The following SNX10 variants were observed in gnomAD, a reference collection of about 807,000 sequenced individuals.
SNX10 encodes the protein sorting nexin 10, also known as sorting nexin-10.
Under a neutral mutation model 28.5 loss-of-function variants are expected in SNX10, and 25 were observed. That is an observed-to-expected ratio of 0.88 (90% CI 0.64 to 1.22). The LOEUF (loss-of-function observed/expected upper bound fraction) is 1.22, where lower values mean the gene tolerates loss of function less well. Among genes scored for constraint, SNX10 ranks in the 50% most tolerant of loss-of-function variants. The pLI is 0.00. For synonymous variants in SNX10, 62 were observed against 81.4 expected (o/e 0.76, Z 1.28); for missense variants, 223 against 242.6 (o/e 0.92, Z 0.54).
At chr7:26,338,038 T>G (rs1788003016) in intron 1 of SNX10, among the ~76,000 whole-genome samples, 1 of 152,170 alleles carries the variant, frequency 6.6e-6, no homozygotes, top group African/African-American at 2.4e-5. Context: ...TTAGTGATGT[T>G]GAGCATGTTT....
intron 1 of SNX10, chr7:26,293,068 T>A (rs1488415085): frequency 1.3e-5 from 2 of 152,254 alleles, no homozygotes; most frequent in African/African-American, 4.8e-5. Context: ...TTGACCAGCT[T>A]CTGCAGGGGC....
intron 1 of SNX10, among the ~76,000 whole-genome samples, chr7:26,336,372 T>TA (rs35209815): frequency 0.034 from 4,771 of 140,478 alleles, 91 homozygotes; most frequent in Middle Eastern, 0.052. Context: ...AGTAAATATG[T>TA]AAAAAAAAAA....
At chr7:26,359,838 A>G (rs570106808) in intron 2 of SNX10, among the ~76,000 whole-genome samples, 4 of 151,958 alleles carry the variant, frequency 2.6e-5, no homozygotes, top group Admixed American at 6.6e-5. Flanking sequence ...TTGTAGTTTT[A>G]GTAGAGACAG....
intron 1 of SNX10, among the ~76,000 whole-genome samples, chr7:26,326,995 G>A (rs982218822): frequency 6.7e-6 from 1 of 149,400 alleles, no homozygotes; most frequent in South Asian, 2.1e-4. Context: ...CTGTCACCCA[G>A]GCTGGAGTGC....
chr7:26,344,748 A>T (rs151276630), intron 1 of SNX10, among the ~76,000 whole-genome samples: 9 of 152,286 alleles, frequency 5.9e-5, no homozygotes, highest in Admixed American at 2.6e-4. Flanking sequence ...GACTGAACGG[A>T]ATCTCCAGTT....
rs1486985518 is a variant in SNX10 at position 26,346,414 on chromosome 7, T to A, written c.-23-6T>A. The A allele has an allele frequency of 1.3e-6, 2 of 1,596,424 alleles. No homozygotes were observed. The highest frequency in any genetic ancestry group is 1.7e-6 in the Non-Finnish European group (2 of 1,163,992). On this transcript the variant is annotated splice_polypyrimidine_tract_variant and splice_region_variant and intron_variant, in intron 1 of 6. Transcript: ENST00000338523. ...AATGACCCAGTGTGGATATCTTATT[T>A]TTCAGATTGATCGTGTCCTGTGCTG...
chr7:26,335,016 C>T (rs748844345), intron 1 of SNX10, among the ~76,000 whole-genome samples: 2 of 152,096 alleles, frequency 1.3e-5, no homozygotes, highest in Non-Finnish European at 2.9e-5. Flanking sequence ...TGTTTGAGTT[C>T]CTTTGATTGC....
At chr7:26,358,033 G>T (rs952956346) in intron 2 of SNX10, among the ~76,000 whole-genome samples, 2 of 152,156 alleles carry the variant, frequency 1.3e-5, no homozygotes, top group Admixed American at 6.5e-5. Flanking sequence ...AGCCTGGGTT[G>T]GCTCTCAGGC....
intron 1 of SNX10, among the ~76,000 whole-genome samples, chr7:26,320,212 C>G (rs1392730033): frequency 1.3e-5 from 2 of 151,884 alleles, no homozygotes; most frequent in Non-Finnish European, 2.9e-5. Context: ...CAACTCTTGA[C>G]CTCAAGTGAT....
intron 1 of SNX10, among the ~76,000 whole-genome samples, chr7:26,339,709 G>C (rs1788106160): frequency 6.6e-6 from 1 of 151,680 alleles, no homozygotes; most frequent in African/African-American, 2.4e-5. Context: ...ACCATGCCTG[G>C]CTAATTTTTC....
At chr7:26,324,257 AAATG>A (rs777327244) in intron 1 of SNX10, among the ~76,000 whole-genome samples, 9 of 141,464 alleles carry the variant, frequency 6.4e-5, no homozygotes, top group Non-Finnish European at 9.8e-5. Flanking sequence ...TCAATTAAAA[AAATG>A]TGTGTGAGAA....
At chr7:26,315,673 A>T (rs1787056696) in intron 1 of SNX10, among the ~76,000 whole-genome samples, 3 of 152,130 alleles carry the variant, frequency 2.0e-5, no homozygotes, top group Non-Finnish European at 4.4e-5. Context: ...CATCTCAAAA[A>T]AAAAAAAATT....
At chr7:26,328,007 C>T (rs540210697) in intron 1 of SNX10, among the ~76,000 whole-genome samples, 64 of 152,240 alleles carry the variant, frequency 4.2e-4, no homozygotes, top group African/African-American at 1.5e-3. Flanking sequence ...GCTGGGATTA[C>T]AGGCGTGAGG....
intron 1 of SNX10, among the ~76,000 whole-genome samples, chr7:26,301,687 G>A (rs1322281784): frequency 6.6e-6 from 1 of 152,158 alleles, no homozygotes; most frequent in Admixed American, 6.5e-5. Context: ...ACTGTCCTGG[G>A]TACTTCAGTT....
chr7:26,362,766 G>A (rs1015473554), intron 3 of SNX10, among the ~76,000 whole-genome samples: 2 of 152,152 alleles, frequency 1.3e-5, no homozygotes, highest in African/African-American at 4.8e-5. Context: ...CAAGGGAGAT[G>A]ATGTCACACA....
At chr7:26,335,392 T>G (rs923270908) in intron 1 of SNX10, among the ~76,000 whole-genome samples, 39 of 152,288 alleles carry the variant, frequency 2.6e-4, no homozygotes, top group African/African-American at 8.9e-4. Flanking sequence ...ATTTCCTAGG[T>G]TCAAGTACGA....
intron 2 of SNX10, among the ~76,000 whole-genome samples, chr7:26,358,257 G>A (rs1367107642): frequency 6.6e-6 from 1 of 152,184 alleles, no homozygotes; most frequent in Admixed American, 6.5e-5. Flanking sequence ...TAGGCCAAGA[G>A]CAGAGTACCT....
intron 1 of SNX10, among the ~76,000 whole-genome samples, chr7:26,301,168 C>T (rs1459578847): frequency 3.3e-5 from 5 of 152,070 alleles, no homozygotes; most frequent in African/African-American, 1.2e-4. Flanking sequence ...CCCCCAAAAA[C>T]CACACACAGA....
intron 1 of SNX10, among the ~76,000 whole-genome samples, chr7:26,332,931 G>T (rs893877312): frequency 2.6e-5 from 4 of 152,122 alleles, no homozygotes; most frequent in Non-Finnish European, 5.9e-5. Flanking sequence ...CCTTTGATCT[G>T]TTTGTTTGTA....
Sources: allele counts gnomAD v4.1 joint callset (sites outside exome capture counted in the v4.1 genomes callset), GRCh38; gene constraint gnomAD v4.1.1; transcripts MANE v1.5; gene names NCBI Gene and HGNC (gene_info 2026-07-23, HGNC 2026-07-21).